Variants in TRAPPC9 observed in about 807,000 individuals in gnomAD.
TRAPPC9 encodes the protein IKK2 binding protein.
In TRAPPC9, 83 loss-of-function variants were observed where a neutral mutation model predicts 124.0. The ratio of observed to expected loss-of-function variants is 0.67; its 90% CI spans 0.56 to 0.80. The LOEUF (loss-of-function observed/expected upper bound fraction) is 0.80. Among genes scored for constraint, TRAPPC9 ranks in the 30% least tolerant of loss-of-function variants. The probability of loss-of-function intolerance (pLI) is 0.00; values close to 1 mark genes in which losing one functional copy is unlikely to be tolerated. For synonymous variants in TRAPPC9, 638 were observed against 617.5 expected, an observed-to-expected ratio of 1.03 and a Z score of -0.49; for missense variants, 1,302 against 1,508.3, an observed-to-expected ratio of 0.86 and a Z score of 2.27.
chr8:140,390,973 C>G (rs2068907653), intron 7 of TRAPPC9, among the ~76,000 whole-genome samples: 1 of 152,162 alleles, frequency 6.6e-6, no homozygotes, highest in African/African-American at 2.4e-5. Context: ...AAAGCCTTTC[C>G]CAAATCTCCC....
At chr8:140,246,230 C>A (rs910726003) in intron 16 of TRAPPC9, among the ~76,000 whole-genome samples, 1 of 152,230 alleles carries the variant, frequency 6.6e-6, no homozygotes, top group Admixed American at 6.5e-5. Flanking sequence ...CCTCAATGCT[C>A]TCTAATCACT....
Position 139,947,051 on chromosome 8 carries a change from C to T in TRAPPC9, c.2811-36751G>A, listed in dbSNP as rs1834273024. Among the ~76,000 whole-genome samples, 5 of 152,174 alleles carry T rather than the reference C, an allele frequency of 3.3e-5. No individual in the cohort carries two copies. In the South Asian group the frequency reaches 8.3e-4, roughly 25 times the overall value. Reference sequence around the variant, plus strand: ...CTGGGAAAAGAAAGGTTTTCACACCCTGCGTAAGGAAATGGAGAGAGAAAT... The same window carrying T: ...CTGGGAAAAGAAAGGTTTTCACACCTTGCGTAAGGAAATGGAGAGAGAAAT... On this transcript the variant is annotated intron_variant, in intron 19 of 22. Transcript: ENST00000438773.
In TRAPPC9 at chr8:139,810,134, C is replaced by T. The variant is rs1286129136; in HGVS notation, c.3055+75745G>A. Reference sequence around the variant, plus strand: ...TGCCAGAATACATATGATATGAAGCCACCAGGAAGAGGAGGCAATGACAGC... The same window carrying T: ...TGCCAGAATACATATGATATGAAGCTACCAGGAAGAGGAGGCAATGACAGC... On this transcript the variant is annotated intron_variant, in intron 21 of 22. Coordinates refer to ENST00000438773, the MANE Select transcript of TRAPPC9 (RefSeq NM_001160372.4). Among the ~76,000 whole-genome samples, 3 of 152,120 alleles carry T rather than the reference C, an allele frequency of 2.0e-5. No individual in the cohort carries two copies. In the East Asian group the frequency reaches 5.8e-4, roughly 29 times the overall value.
intron 1 of TRAPPC9, chr8:140,456,940 G>C (rs369374979): frequency 1.9e-6 from 1 of 519,620 alleles, no homozygotes; most frequent in African/African-American, 2.1e-5. Context: ...GAGGGGATTG[G>C]GGTGGGCTGA....
chr8:139,785,251 T>C (rs1822142983), intron 21 of TRAPPC9, among the ~76,000 whole-genome samples: 1 of 152,170 alleles, frequency 6.6e-6, no homozygotes, highest in South Asian at 2.1e-4. Context: ...GTCCCTACGT[T>C]GTATTCTGTA....
chr8:139,770,610 G>A lies in TRAPPC9; in HGVS notation c.3056-38408C>T, dbSNP rs569231588. On this transcript the variant is annotated intron_variant, in intron 21 of 22. Coordinates refer to ENST00000438773, the MANE Select transcript of TRAPPC9 (RefSeq NM_001160372.4). ...GCTCCCAGTGGACAGCTCAGCCAGC[G>A]TCTGGTGCTCTAGGAGGGAGGAAAC... Among the ~76,000 whole-genome samples the A allele has an allele frequency of 2.2e-4, 34 of 152,340 alleles. 1 individual carries two copies. Among genetic ancestry groups the A allele is most frequent in the East Asian group, 7.7e-4 (4 of 5,180 alleles).
chr8:140,267,843 T>C (rs953206380), intron 15 of TRAPPC9, among the ~76,000 whole-genome samples: 1 of 152,084 alleles, frequency 6.6e-6, no homozygotes, highest in Admixed American at 6.6e-5. Flanking sequence ...ATTTTTGTAT[T>C]TTTTAGTAGA....
intron 17 of TRAPPC9, among the ~76,000 whole-genome samples, chr8:140,197,110 T>C (rs1232783242): frequency 6.6e-6 from 1 of 151,998 alleles, no homozygotes; most frequent in Non-Finnish European, 1.5e-5. Flanking sequence ...AACTGTGGGA[T>C]TGATAACAAG....
At chr8:139,929,961 G>A (rs555130670) in intron 19 of TRAPPC9, among the ~76,000 whole-genome samples, 1 of 152,348 alleles carries the variant, frequency 6.6e-6, no homozygotes, top group South Asian at 2.1e-4. Flanking sequence ...GCAGTCCTCA[G>A]GAGCAGCACC....
At chr8:139,826,946 CT>C (rs1825681671) in intron 21 of TRAPPC9, among the ~76,000 whole-genome samples, 1 of 152,150 alleles carries the variant, frequency 6.6e-6, no homozygotes, top group Non-Finnish European at 1.5e-5. Context: ...ACATACATGT[CT>C]TTAGGGAATA....
chr8:140,089,211 C>T (rs936266571), intron 17 of TRAPPC9, among the ~76,000 whole-genome samples: 2 of 152,164 alleles, frequency 1.3e-5, no homozygotes, highest in African/African-American at 2.4e-5. Context: ...CTGGGCAGCC[C>T]GCTTCAAAAG....
chr8:140,327,668 T>C (rs2066774346), intron 9 of TRAPPC9, among the ~76,000 whole-genome samples: 1 of 152,086 alleles, frequency 6.6e-6, no homozygotes, highest in African/African-American at 2.4e-5. Context: ...AAAGAACAAA[T>C]ATTGTATGAC....
At chr8:140,198,703 C>T (rs182416586) in intron 17 of TRAPPC9, among the ~76,000 whole-genome samples, 2 of 152,254 alleles carry the variant, frequency 1.3e-5, no homozygotes, top group East Asian at 1.9e-4. Flanking sequence ...TTAATGAATC[C>T]GCTCTGTCTA....
At chr8:140,356,724 C>T (rs545085251) in intron 9 of TRAPPC9, among the ~76,000 whole-genome samples, 2 of 152,114 alleles carry the variant, frequency 1.3e-5, no homozygotes, top group East Asian at 3.9e-4. Flanking sequence ...ATTCTCCTGC[C>T]TCAGCCTCCC....
intron 7 of TRAPPC9, among the ~76,000 whole-genome samples, chr8:140,383,026 C>T (rs997529169): frequency 2.6e-5 from 4 of 152,230 alleles, no homozygotes; most frequent in African/African-American, 9.6e-5. Flanking sequence ...GTTCTGCAGC[C>T]TCCGCTGCTG....
In TRAPPC9 at chr8:139,810,444, C is replaced by T. The variant is rs73726661; in HGVS notation, c.3055+75435G>A. On this transcript the variant is annotated intron_variant, in intron 21 of 22. Coordinates refer to ENST00000438773, the MANE Select transcript of TRAPPC9 (RefSeq NM_001160372.4). ...AGGGATTTCACGAGTTGGCTGACATCGTGTTGGGACCTTGAAACTGGCCAC... is the reference window on the plus strand; with the variant it reads ...AGGGATTTCACGAGTTGGCTGACATTGTGTTGGGACCTTGAAACTGGCCAC... Among the ~76,000 whole-genome samples the T allele has an allele frequency of 9.6e-3, 1,458 of 152,256 alleles. 29 individuals carry two copies. Among genetic ancestry groups the T allele is most frequent in the African/African-American group, 0.034 (1,395 of 41,552 alleles).
chr8:140,452,343 C>A (rs1371328227), intron 1 of TRAPPC9, among the ~76,000 whole-genome samples: 1 of 146,922 alleles, frequency 6.8e-6, no homozygotes, highest in Non-Finnish European at 1.5e-5. Context: ...TGGCATGAAC[C>A]AGGGAGGCAG....
intron 19 of TRAPPC9, among the ~76,000 whole-genome samples, chr8:139,961,662 C>T (rs1349074807): frequency 8.1e-6 from 1 of 122,780 alleles, no homozygotes; most frequent in Non-Finnish European, 1.9e-5. Context: ...AGAAAGGACC[C>T]TCCCCTCATC....
rs570197060 is a variant in TRAPPC9, at chr8:139,975,351, G to A, written c.2810+13375C>T. Among the ~76,000 whole-genome samples, 3 of 152,256 alleles carry A rather than the reference G, an allele frequency of 2.0e-5. No homozygotes were observed. In the South Asian group the frequency reaches 6.2e-4, roughly 32 times the overall value. ...TGGAGGGCCTCTTAAACTACAGATC[G>A]CTGGGCCCTGCCCCACAGTAAGCCT... On this transcript the variant is annotated intron_variant, in intron 19 of 22. Transcript: ENST00000438773.
Sources: allele counts gnomAD v4.1 joint callset (sites outside exome capture counted in the v4.1 genomes callset), GRCh38; gene constraint gnomAD v4.1.1; transcripts MANE v1.5; gene names NCBI Gene and HGNC (gene_info 2026-07-23, HGNC 2026-07-21).